The following EYS variants were observed in gnomAD, a reference collection of about 807,000 sequenced individuals.
EYS encodes EGF-like photoreceptor maintenance factor, also known as protein eyes shut homolog.
EYS carries 250 observed loss-of-function variants against 282.1 expected under a neutral mutation model. The ratio of observed to expected loss-of-function variants is 0.89; its 90% CI spans 0.80 to 0.98. The LOEUF is 0.98. Ranked by LOEUF, EYS falls within the 50% of genes least tolerant of loss-of-function variation. The pLI is 0.00. For synonymous variants in EYS, 1,355 were observed against 1,282.9 expected, an observed-to-expected ratio of 1.06 and a Z score of -1.20; for missense variants, 4,016 against 3,709.0, an observed-to-expected ratio of 1.08 and a Z score of -2.15.
chr6:65,515,057 T>C (rs1302249041), intron 2 of EYS, among the ~76,000 whole-genome samples: 2 of 152,176 alleles, frequency 1.3e-5, no homozygotes, highest in Non-Finnish European at 2.9e-5. Context: ...AAAGGGCTAA[T>C]ATCCAGAATC....
At chr6:64,923,853 C>T (rs1383397336) in intron 15 of EYS, among the ~76,000 whole-genome samples, 1 of 152,158 alleles carries the variant, frequency 6.6e-6, no homozygotes, top group Non-Finnish European at 1.5e-5. Context: ...CAGCTCTGCC[C>T]CTGTGGCTTT....
intron 24 of EYS, among the ~76,000 whole-genome samples, chr6:64,604,511 T>G (rs901282791): frequency 6.6e-6 from 1 of 151,994 alleles, no homozygotes; most frequent in South Asian, 2.1e-4. Context: ...CCATCTAAGT[T>G]TTATGGGGTG....
intron 29 of EYS, among the ~76,000 whole-genome samples, chr6:64,384,820 TC>T (rs999302704): frequency 7.2e-5 from 11 of 152,148 alleles, no homozygotes; most frequent in Non-Finnish European, 7.4e-5. Context: ...TCTGTTTCAT[TC>T]TCTTCTCACA....
intron 8 of EYS, 145 bp from the exon 9 acceptor site, chr6:65,353,762 C>A (rs1300101228): frequency 9.4e-6 from 6 of 639,408 alleles, no homozygotes; most frequent in Non-Finnish European, 1.6e-5. Flanking sequence ...CTCTTTATTT[C>A]TTCTATTTCT....
chr6:65,293,262 T>TAAA (rs57370381), intron 12 of EYS, among the ~76,000 whole-genome samples: 1 of 146,580 alleles, frequency 6.8e-6, no homozygotes, highest in African/African-American at 2.5e-5. Context: ...GAATATTAAC[T>TAAA]AAAAAAAAAA....
chr6:63,822,625 A>G (rs1290678233), intron 36 of EYS: 1 of 152,248 alleles, frequency 6.6e-6, no homozygotes, highest in Non-Finnish European at 1.5e-5. Context: ...CAGCTGTGCT[A>G]TTAAGAAAAG....
chr6:64,784,637 C>T (rs1773962409), intron 22 of EYS, among the ~76,000 whole-genome samples: 1 of 152,072 alleles, frequency 6.6e-6, no homozygotes, highest in African/African-American at 2.4e-5. Flanking sequence ...TTTCAGCTGT[C>T]TTAGATCAGT....
At position 63,788,097 on chromosome 6, in the gene EYS, T is replaced by C; in HGVS notation, c.7723+8A>G. The C allele has an allele frequency of 2.0e-6, 3 of 1,527,304 alleles. No homozygotes were observed. The highest frequency in any genetic ancestry group is 2.6e-5 in the South Asian group (2 of 78,134). The allele number at this position is 1,527,304 out of a possible 1,614,324, so 94.6% of individuals were successfully genotyped here. ...GTAGGTATAATATAAAAAATGTCCA[T>C]GCCTTACCTTGAAAACCATTTTTAA... On this transcript the variant is annotated splice_region_variant and intron_variant, in intron 39 of 42. Transcript: ENST00000503581.
rs1448955678 is a variant in EYS at position 64,000,193 on chromosome 6, T to TCAG, written c.6726-1011_6726-1010insCTG. Reference sequence around the variant, plus strand: ...CTTTTTTTTTTTTTTTTTTTTTTTTTTTTTTTTTTTTTTTTTTAGACAGAG... The same window carrying TCAG: ...CTTTTTTTTTTTTTTTTTTTTTTTTTCAGTTTTTTTTTTTTTTTTTAGACAGAG... On this transcript the variant is annotated intron_variant, in intron 33 of 42. Transcript: ENST00000503581. Among the ~76,000 whole-genome samples, 3 of 109,150 alleles carry TCAG rather than the reference T, an allele frequency of 2.7e-5. 1 individual carries two copies. Among genetic ancestry groups the TCAG allele is most frequent in the Admixed American group, 1.8e-4 (2 of 11,076 alleles). The allele number at this position is 109,150 out of a possible 152,430, so 71.6% of individuals were successfully genotyped here.
At chr6:64,769,842 C>A (rs912757827) in intron 22 of EYS, among the ~76,000 whole-genome samples, 2 of 151,822 alleles carry the variant, frequency 1.3e-5, no homozygotes, top group Non-Finnish European at 2.9e-5. Flanking sequence ...GAGAGCAAAG[C>A]AAGTTTAAGG....
At chr6:65,360,769 T>C (rs187553580) in intron 8 of EYS, among the ~76,000 whole-genome samples, 2 of 152,228 alleles carry the variant, frequency 1.3e-5, no homozygotes, top group East Asian at 3.9e-4. Context: ...CTAATGTGTG[T>C]TTACAGTCAT....
chr6:65,470,521 A>G (rs989745038), intron 5 of EYS, among the ~76,000 whole-genome samples: 2 of 152,200 alleles, frequency 1.3e-5, no homozygotes, highest in Non-Finnish European at 2.9e-5. Flanking sequence ...TTTTTGCATT[A>G]AAAGCAATAC....
intron 22 of EYS, among the ~76,000 whole-genome samples, chr6:64,747,838 T>C (rs1772608702): frequency 6.6e-6 from 1 of 152,246 alleles, no homozygotes. Context: ...TGACCTTCTT[T>C]ATCTTTTACA....
chr6:64,528,068 G>A (rs922803834), intron 26 of EYS, among the ~76,000 whole-genome samples: 5 of 151,764 alleles, frequency 3.3e-5, no homozygotes, highest in African/African-American at 4.8e-5. Flanking sequence ...AGAAAATTAG[G>A]TCATATGGTG....
At chr6:64,178,453 G>A (rs1285710531) in intron 31 of EYS, among the ~76,000 whole-genome samples, 1 of 152,008 alleles carries the variant, frequency 6.6e-6, no homozygotes, top group Non-Finnish European at 1.5e-5. Flanking sequence ...TAAATACATG[G>A]TGATCAATCA....
intron 35 of EYS, among the ~76,000 whole-genome samples, chr6:63,876,976 T>A (rs1212704471): frequency 2.6e-5 from 4 of 152,166 alleles, no homozygotes; most frequent in Admixed American, 6.5e-5. Context: ...ACATTTAAGG[T>A]TAATATTGTT....
At chr6:64,006,067 C>A (rs1011806403) in intron 33 of EYS, among the ~76,000 whole-genome samples, 5 of 152,068 alleles carry the variant, frequency 3.3e-5, no homozygotes, top group African/African-American at 1.2e-4. Context: ...GGCAGTATGG[C>A]CATATTAGCA....
chr6:64,591,567 C>A lies in EYS; in HGVS notation c.4300G>T (p.Ala1434Ser), dbSNP rs748234752. ...TTSVIRSIPG[A>S]DIELNRQSLL... The stretch of plus-strand genomic sequence containing the variant: ...GACTGCCTGTTTAGCTCAATATCAG[C>A]CCCTGGAATGCTTCTAATTACTGAA... The change falls in exon 26 of 43, where the codon GCT becomes TCT. Residue 1434 changes from alanine (A) to serine (S), a missense_variant. Coordinates refer to ENST00000503581, the MANE Select transcript of EYS (RefSeq NM_001142800.2). The A allele has an allele frequency of 1.3e-6, 2 of 1,551,166 alleles. No individual in the cohort carries two copies. Among genetic ancestry groups the A allele is most frequent in the Non-Finnish European group, 1.7e-6 (2 of 1,146,722 alleles).
intron 28 of EYS, among the ~76,000 whole-genome samples, chr6:64,420,913 A>C (rs1452329450): frequency 3.3e-5 from 5 of 152,130 alleles, no homozygotes; most frequent in Non-Finnish European, 4.4e-5. Context: ...AGGAAGTTCC[A>C]AACTTTCCCA....
Sources: gnomAD v4.1 joint callset for allele counts (sites outside exome capture counted in the v4.1 genomes callset) on GRCh38, gnomAD v4.1.1 for gene constraint, MANE v1.5 for transcripts, NCBI Gene and HGNC (gene_info 2026-07-23, HGNC 2026-07-21) for gene names.